The following MYO3B variants were observed in gnomAD, a reference collection of about 807,000 sequenced individuals.
MYO3B encodes the protein myosin-IIIb.
Under a neutral mutation model 174.6 loss-of-function variants are expected in MYO3B, and 156 were observed. That is an observed-to-expected ratio of 0.89 (90% CI 0.78 to 1.02). The LOEUF (loss-of-function observed/expected upper bound fraction) is 1.02. Ranked by LOEUF, MYO3B falls within the 50% of genes least tolerant of loss-of-function variation. The pLI, the probability that MYO3B is intolerant of heterozygous loss-of-function variation, is 0.00. For synonymous variants in MYO3B, 563 were observed against 569.1 expected (o/e 0.99, Z 0.15); for missense variants, 1,632 against 1,639.4 (o/e 1.00, Z 0.08).
At chr2:170,269,872 G>T (rs558855342) in intron 7 of MYO3B, among the ~76,000 whole-genome samples, 2 of 152,280 alleles carry the variant, frequency 1.3e-5, no homozygotes, top group African/African-American at 4.8e-5. Context: ...AGATTGCTGG[G>T]CTTCCCAGAG....
intron 25 of MYO3B, among the ~76,000 whole-genome samples, chr2:170,475,245 G>A (rs534543187): frequency 3.3e-5 from 5 of 152,148 alleles, no homozygotes; most frequent in East Asian, 3.9e-4. Context: ...TCTTCTCTTA[G>A]CCTCTATTTG....
At chr2:170,344,185 G>C (rs2105572602) in intron 8 of MYO3B, 1 of 152,330 alleles carries the variant, frequency 6.6e-6, no homozygotes, top group Non-Finnish European at 1.5e-5. Flanking sequence ...AAGACTCTCT[G>C]GGCCAGGCAC....
At chr2:170,339,834 G>T (rs1029387102) in intron 8 of MYO3B, among the ~76,000 whole-genome samples, 3 of 152,160 alleles carry the variant, frequency 2.0e-5, no homozygotes, top group African/African-American at 7.2e-5. Flanking sequence ...TAAATTAAAT[G>T]CAATGCTCAC....
chr2:170,582,971 C>G (rs1693244050), intron 32 of MYO3B, among the ~76,000 whole-genome samples: 1 of 152,014 alleles, frequency 6.6e-6, no homozygotes, highest in Non-Finnish European at 1.5e-5. Flanking sequence ...CCCTTTGCCA[C>G]AAAAACTAGC....
intron 19 of MYO3B, among the ~76,000 whole-genome samples, chr2:170,403,873 A>T (rs1374783510): frequency 6.6e-6 from 1 of 152,132 alleles, no homozygotes; most frequent in East Asian, 1.9e-4. Context: ...CCAACCCTAG[A>T]TGATTCCTTT....
At position 170,317,997 on chromosome 2, in the gene MYO3B, C is replaced by G. The variant is rs191970045; in HGVS notation, c.750-17388C>G. ...TAGTTTATAACTGCTACTTTTCACC[C>G]AAATAATAGAGTGACCTTGGATATG... On this transcript the variant is annotated intron_variant, in intron 7 of 34. Transcript: ENST00000408978. 2.8e-4 allele frequency among the ~76,000 whole-genome samples: 43 copies of G among 152,274 alleles called. No individual in the cohort carries two copies. In the East Asian group the frequency reaches 7.1e-3, roughly 25 times the overall value.
chr2:170,555,805 G>A (rs554790039), intron 32 of MYO3B, among the ~76,000 whole-genome samples: 8 of 152,108 alleles, frequency 5.3e-5, no homozygotes, highest in Non-Finnish European at 8.8e-5. Flanking sequence ...CCAGGAGGTC[G>A]AGGGTGCAGT....
intron 32 of MYO3B, among the ~76,000 whole-genome samples, chr2:170,564,733 G>A (rs1691955279): frequency 6.6e-6 from 1 of 151,572 alleles, no homozygotes; most frequent in South Asian, 2.1e-4. Flanking sequence ...TTTAAGTTCA[G>A]AAAAAGTTAA....
chr2:170,452,686 C>G (rs1300095886), intron 23 of MYO3B, among the ~76,000 whole-genome samples: 7 of 152,140 alleles, frequency 4.6e-5, no homozygotes, highest in African/African-American at 1.7e-4. Flanking sequence ...AAGGTTATAA[C>G]TTAACCATGG....
At chr2:170,590,594 A>ATTTT (rs111705221) in intron 32 of MYO3B, among the ~76,000 whole-genome samples, 2 of 140,594 alleles carry the variant, frequency 1.4e-5, no homozygotes, top group South Asian at 2.3e-4. Context: ...TGATTGATTG[A>ATTTT]TTTTTTTTTT....
chr2:170,481,729 T>C (rs1685700082), intron 25 of MYO3B, among the ~76,000 whole-genome samples: 1 of 152,172 alleles, frequency 6.6e-6, no homozygotes, highest in Non-Finnish European at 1.5e-5. Flanking sequence ...TCTCCACATC[T>C]ACCTTCTAGG....
chr2:170,401,787 ATTTTCTTTCT>A, intron 18 of MYO3B, 96 bp downstream of exon 18: 1 of 817,862 alleles, frequency 1.2e-6, no homozygotes, highest in African/African-American at 1.9e-5. Context: ...CCTCTCTGGG[ATTTTCTTTCT>A]TTTTCTTTTT....
intron 32 of MYO3B, among the ~76,000 whole-genome samples, chr2:170,595,798 A>G (rs149544305): frequency 6.6e-6 from 1 of 152,128 alleles, no homozygotes; most frequent in African/African-American, 2.4e-5. Context: ...AGAGCATGCC[A>G]TCTGTGCCTT....
rs768012346 is a variant in MYO3B, at chr2:170,466,604, T to G, written c.2907T>G (p.Ser969=). Residue 969 remains serine (S), a synonymous_variant, in exon 25 of 35, where the codon TCT becomes TCG. Coordinates refer to ENST00000408978, the MANE Select transcript of MYO3B (RefSeq NM_138995.5). ...ATGACCGAGAGGCCCTGCAGTTCTCTCGAGAGAGGGTGCTGGCCCAGCTCC... is the reference window on the plus strand; with the variant it reads ...ATGACCGAGAGGCCCTGCAGTTCTCGCGAGAGAGGGTGCTGGCCCAGCTCC... ...PNDDREALQF[S]RERVLAQLRS... 3.1e-6 allele frequency: 5 copies of G among 1,614,224 alleles called. No individual in the cohort carries two copies. The highest frequency in any genetic ancestry group is 1.1e-5 in the South Asian group (1 of 91,084).
chr2:170,568,980 A>G (rs1490411449), intron 32 of MYO3B, among the ~76,000 whole-genome samples: 1 of 152,214 alleles, frequency 6.6e-6, no homozygotes, highest in African/African-American at 2.4e-5. Flanking sequence ...TTTTGTATCT[A>G]AAGATATTTT....
At chr2:170,382,997 A>C in intron 10 of MYO3B, 76 bp from the exon 11 acceptor site, 1 of 907,804 alleles carries the variant, frequency 1.1e-6, no homozygotes, top group East Asian at 2.4e-5. Context: ...TGGAAGAATA[A>C]ATTTGTTGTC....
intron 32 of MYO3B, among the ~76,000 whole-genome samples, chr2:170,564,427 C>T (rs1056974378): frequency 3.9e-5 from 6 of 152,106 alleles, no homozygotes; most frequent in Admixed American, 2.0e-4. Context: ...GGGCTGAGAT[C>T]GCACCACTGC....
rs1024797 is a variant in MYO3B at position 170,531,755 on chromosome 2, A to T, written c.3576-11151A>T. Among the ~76,000 whole-genome samples the T allele has an allele frequency of 0.022, 3,338 of 152,318 alleles. 454 individuals carry two copies. In the East Asian group the frequency reaches 0.4, roughly 18 times the overall value. ...ACAAAAGAGTATAATCCATTGAATA[A>T]AATAAGATATCATGAGTCCATGTGG... is the stretch of plus-strand genomic sequence containing the variant. On this transcript the variant is annotated intron_variant, in intron 30 of 34. Coordinates refer to ENST00000408978, the MANE Select transcript of MYO3B (RefSeq NM_138995.5).
chr2:170,518,730 C>T (rs58538366), intron 29 of MYO3B, among the ~76,000 whole-genome samples: 36,407 of 152,024 alleles, frequency 0.24, 4,512 homozygotes, highest in African/African-American at 0.3. Context: ...TCACTAAGTC[C>T]GAAGTTGGGC....
Sources: allele counts gnomAD v4.1 joint callset (sites outside exome capture counted in the v4.1 genomes callset), GRCh38; gene constraint gnomAD v4.1.1; transcripts MANE v1.5; gene names NCBI Gene and HGNC (gene_info 2026-07-23, HGNC 2026-07-21).